Variants in ESR2 observed in about 807,000 individuals in gnomAD.
ESR2 encodes the protein estrogen receptor beta.
In ESR2, 36 loss-of-function variants were observed where a neutral mutation model predicts 49.6. The ratio of observed to expected loss-of-function variants is 0.73; its 90% CI spans 0.56 to 0.96. The LOEUF is 0.96. Among genes scored for constraint, ESR2 ranks in the 40% least tolerant of loss-of-function variants. The pLI, the probability that ESR2 is intolerant of heterozygous loss-of-function variation, is 0.00. For synonymous variants in ESR2, 320 were observed against 266.1 expected (o/e 1.20, Z -1.97); for missense variants, 714 against 693.0 (o/e 1.03, Z -0.34).
chr14:64,272,684 T>C (rs1342060899), intron 3 of ESR2, among the ~76,000 whole-genome samples: 5 of 152,196 alleles, frequency 3.3e-5, no homozygotes, highest in South Asian at 2.1e-4. Context: ...TGTAGATGTA[T>C]GGATTTGTTT....
In ESR2 at chr14:64,235,020, G is replaced by A; in HGVS notation, c.1356C>T (p.Ser452=). 2 of 1,614,214 alleles carry A rather than the reference G, an allele frequency of 1.2e-6. No homozygotes were observed. Among genetic ancestry groups the A allele is most frequent in the Non-Finnish European group, 1.7e-6 (2 of 1,180,024 alleles). ...GCATCAGGAGGTTAGCCAGGCGCAT[G>A]GATTGCTGCTGGGAGGAGATGCCGC... The part of the protein sequence containing the change: ...AKSGISSQQQ[S]MRLANLLMLL... The change falls in exon 8 of 9, where the codon TCC becomes TCT. Residue 452 remains serine, a synonymous_variant. Transcript: ENST00000341099.
intron 1 of ESR2, among the ~76,000 whole-genome samples, chr14:64,334,160 T>C (rs950627036): frequency 2.6e-4 from 40 of 152,240 alleles, no homozygotes; most frequent in Admixed American, 1.8e-3. Flanking sequence ...CTTTGGGCCA[T>C]ACTTGTTTTG....
intron 1 of ESR2, among the ~76,000 whole-genome samples, chr14:64,283,787 T>C (rs961916897): frequency 2.6e-5 from 2 of 78,420 alleles, no homozygotes; most frequent in African/African-American, 2.3e-4. Flanking sequence ...GAAATTACCA[T>C]TTCCGAAAAA....
chr14:64,328,418 CAA>C (rs529454785), intron 1 of ESR2, among the ~76,000 whole-genome samples: 7 of 130,006 alleles, frequency 5.4e-5, no homozygotes, highest in East Asian at 2.2e-4. Flanking sequence ...GACCCTGTCT[CAA>C]AAAAAAAAAA....
downstream of ESR2, chr14:64,226,795 A>G (rs970860068): frequency 1.3e-5 from 2 of 150,040 alleles, no homozygotes; most frequent in African/African-American, 5.0e-5. Context: ...GGTTCAAGCC[A>G]TTCTCATGCC....
At chr14:64,282,147 C>T (rs2076683014) in intron 2 of ESR2, among the ~76,000 whole-genome samples, 2 of 152,154 alleles carry the variant, frequency 1.3e-5, no homozygotes. Context: ...AGTTCAAGAC[C>T]AGCCTAGCCA....
At chr14:64,284,861 T>C (rs2076757205) in intron 1 of ESR2, among the ~76,000 whole-genome samples, 2 of 151,642 alleles carry the variant, frequency 1.3e-5, no homozygotes, top group Non-Finnish European at 2.9e-5. Context: ...TTTTTTTTTT[T>C]TTTTTTGAGA....
intron 1 of ESR2, among the ~76,000 whole-genome samples, chr14:64,315,389 C>T (rs925112877): frequency 4.0e-5 from 6 of 151,816 alleles, no homozygotes; most frequent in Admixed American, 3.9e-4. Flanking sequence ...ATAAACTGGA[C>T]AATTTACATT....
upstream of ESR2, among the ~76,000 whole-genome samples, chr14:64,298,640 C>G (rs2076987026): frequency 6.6e-6 from 1 of 152,172 alleles, no homozygotes; most frequent in Non-Finnish European, 1.5e-5. Flanking sequence ...ACCTGGGCAC[C>G]AGGACCATGA....
chr14:64,334,367 T>C (rs1330704595), intron 1 of ESR2, among the ~76,000 whole-genome samples: 3 of 152,212 alleles, frequency 2.0e-5, no homozygotes, highest in African/African-American at 7.2e-5. Context: ...CATTCACATG[T>C]CACAGAAGGC....
At position 64,235,101 on chromosome 14, in the gene ESR2, C is replaced by T. The variant is rs369993150; in HGVS notation, c.1275G>A (p.Lys425=). The T allele has an allele frequency of 3.7e-6, 6 of 1,614,046 alleles. No homozygotes were observed. The African/African-American group carries it at 6.7e-5, about 18-fold the overall frequency. The change falls in exon 8 of 9, where the codon AAG becomes AAA. Residue 425 remains lysine (K), a synonymous_variant. Coordinates refer to ENST00000341099, the MANE Select transcript of ESR2 (RefSeq NM_001437.3). ...TCACGGCGTTCAGCAAGTGAGCCAG[C>T]TTCCGGCTGCTGTCAGCATCCTGGG... ...TATQDADSSR[K]LAHLLNAVTD...
chr14:64,292,601 A>G (rs2076890401), intron 1 of ESR2, among the ~76,000 whole-genome samples: 4 of 152,202 alleles, frequency 2.6e-5, no homozygotes, highest in Admixed American at 2.6e-4. Flanking sequence ...TTATCATTAA[A>G]CACTTTGAGT....
intron 6 of ESR2, among the ~76,000 whole-genome samples, chr14:64,252,785 C>T (rs746603500): frequency 2.0e-5 from 3 of 152,136 alleles, no homozygotes; most frequent in Admixed American, 6.5e-5. Context: ...TCCCTTGACA[C>T]GTGGAGATTA....
At chr14:64,295,477 C>T (rs2076944938), upstream of ESR2, among the ~76,000 whole-genome samples, 1 of 152,192 alleles carries the variant, frequency 6.6e-6, no homozygotes, top group African/African-American at 2.4e-5. Flanking sequence ...TAAACAATAG[C>T]TGTGAAAAGT....
intron 1 of ESR2, among the ~76,000 whole-genome samples, chr14:64,336,908 A>C (rs2077538286): frequency 6.6e-6 from 1 of 152,118 alleles, no homozygotes. Flanking sequence ...TTTTCTCATC[A>C]GATTCTGCCT....
At chr14:64,252,971 T>C (rs2076019689) in intron 6 of ESR2, among the ~76,000 whole-genome samples, 1 of 152,126 alleles carries the variant, frequency 6.6e-6, no homozygotes, top group Non-Finnish European at 1.5e-5. Context: ...TTCTCCTGCC[T>C]CAGCCTCCCA....
At chr14:64,268,989 T>G in intron 3 of ESR2, 78 bp from the exon 4 acceptor site, 1 of 850,108 alleles carries the variant, frequency 1.2e-6, no homozygotes. Context: ...ACAACACTGA[T>G]AACACTTTCC....
intron 1 of ESR2, among the ~76,000 whole-genome samples, chr14:64,302,224 T>C (rs2140867868): frequency 6.6e-6 from 1 of 151,472 alleles, no homozygotes; most frequent in East Asian, 2.0e-4. Context: ...TCTCGCTCTG[T>C]CGCCCAGGCT....
chr14:64,305,265 T>C (rs771803125), intron 1 of ESR2, among the ~76,000 whole-genome samples: 13 of 132,850 alleles, frequency 9.8e-5, no homozygotes, highest in South Asian at 2.3e-4. Context: ...CACTCCAGCC[T>C]GGGCGACAGA....
Sources: gnomAD v4.1 joint callset for allele counts (sites outside exome capture counted in the v4.1 genomes callset) on GRCh38, gnomAD v4.1.1 for gene constraint, MANE v1.5 for transcripts, NCBI Gene and HGNC (gene_info 2026-07-23, HGNC 2026-07-21) for gene names.